OSBPL6: variants seen among roughly 807,000 people sequenced by gnomAD.
OSBPL6 encodes oxysterol binding protein like 6.
A neutral mutation model predicts 125.8 loss-of-function variants in OSBPL6; 49 were observed. The observed-to-expected ratio is 0.39, with a 90% CI of 0.31 to 0.49. OSBPL6 has a LOEUF of 0.49. Among genes scored for constraint, OSBPL6 ranks in the 20% least tolerant of loss-of-function variants. The pLI is 0.88. For synonymous variants in OSBPL6, 394 were observed against 391.8 expected (o/e 1.01, Z -0.07); for missense variants, 986 against 1,135.4 (o/e 0.87, Z 1.89).
intron 10 of OSBPL6, 99 bp from the exon 11 acceptor site, chr2:178,339,573 A>C (rs1044340696): frequency 4.5e-5 from 41 of 920,060 alleles, no homozygotes; most frequent in Non-Finnish European, 6.1e-5. Context: ...ATAGGCTCTA[A>C]CAATGACCTT....
intron 1 of OSBPL6, among the ~76,000 whole-genome samples, chr2:178,254,912 T>A (rs1215062720): frequency 2.6e-5 from 4 of 151,864 alleles, no homozygotes; most frequent in Admixed American, 1.3e-4. Flanking sequence ...AGGAAAGAGG[T>A]TTAATGGACT....
In OSBPL6 at chr2:178,339,707, G is replaced by T. The variant is rs149166496; in HGVS notation, c.930G>T (p.Arg310=). 4.5e-5 allele frequency: 72 copies of T among 1,603,890 alleles called. No homozygotes were observed. In the African/African-American group the frequency reaches 9.3e-4, roughly 21 times the overall value. Residue 310 remains arginine, a synonymous_variant, in exon 11 of 25, where the codon CGG becomes CGT. Coordinates refer to ENST00000190611, the MANE Select transcript of OSBPL6 (RefSeq NM_032523.4). ...TAGATATTTCAAAGAAAGACAAGCG[G>T]GTCACAAGACGATGGAGAACAAAAA... ...NCVDISKKDK[R]VTRRWRTKSV... is the part of the protein sequence containing the mutation.
intron 1 of OSBPL6, among the ~76,000 whole-genome samples, chr2:178,209,454 T>C (rs1195331666): frequency 2.7e-5 from 4 of 150,172 alleles, no homozygotes; most frequent in African/African-American, 9.7e-5. Context: ...TTTTTTTTTT[T>C]TTTTTAGCAT....
rs569938038 is a variant in OSBPL6, at chr2:178,244,626, G to A, written c.-350-40301G>A. 7.2e-5 allele frequency among the ~76,000 whole-genome samples: 11 copies of A among 152,312 alleles called. No individual in the cohort carries two copies. In the South Asian group the frequency reaches 2.3e-3, roughly 32 times the overall value. The stretch of plus-strand genomic sequence containing the variant: ...TAGCCTTCTCAACTGGAAGGCATTT[G>A]ATAGATATGCTTTTATAGTTTTATA... On this transcript the variant is annotated intron_variant, in intron 1 of 24. Coordinates refer to ENST00000190611, the MANE Select transcript of OSBPL6 (RefSeq NM_032523.4).
At chr2:178,254,294 G>A (rs2091804968) in intron 1 of OSBPL6, among the ~76,000 whole-genome samples, 1 of 151,924 alleles carries the variant, frequency 6.6e-6, no homozygotes, top group East Asian at 1.9e-4. Context: ...TCAGGAGGCT[G>A]AGGCAGGAGA....
At chr2:178,260,326 G>T (rs2092017792) in intron 1 of OSBPL6, among the ~76,000 whole-genome samples, 2 of 151,702 alleles carry the variant, frequency 1.3e-5, no homozygotes, top group African/African-American at 2.4e-5. Flanking sequence ...CCCATTTTTG[G>T]CTAGGAGAGC....
intron 19 of OSBPL6, among the ~76,000 whole-genome samples, chr2:178,385,761 G>A (rs2154115812): frequency 6.6e-6 from 1 of 152,212 alleles, no homozygotes; most frequent in East Asian, 1.9e-4. Context: ...AGAGCTCCAT[G>A]CGGACTGTGC....
intron 11 of OSBPL6, 36 bp from the exon 12 acceptor site, chr2:178,349,188 T>C: frequency 6.2e-7 from 1 of 1,600,216 alleles, no homozygotes; most frequent in Non-Finnish European, 8.6e-7. Flanking sequence ...AACAATGCAC[T>C]GTTGCTGTTT....
chr2:178,264,591 T>G (rs547735972), intron 1 of OSBPL6, among the ~76,000 whole-genome samples: 1 of 152,338 alleles, frequency 6.6e-6, no homozygotes, highest in South Asian at 2.1e-4. Flanking sequence ...TTCAACGTGA[T>G]AATTGGGTTT....
chr2:178,309,129 A>G (rs1448652209), intron 3 of OSBPL6, among the ~76,000 whole-genome samples: 4 of 152,034 alleles, frequency 2.6e-5, no homozygotes, highest in Non-Finnish European at 4.4e-5. Flanking sequence ...CCTCTCAACC[A>G]GATGCCTCCC....
At chr2:178,235,267 C>T (rs765699180) in intron 1 of OSBPL6, among the ~76,000 whole-genome samples, 2 of 151,732 alleles carry the variant, frequency 1.3e-5, no homozygotes, top group Non-Finnish European at 2.9e-5. Flanking sequence ...TTGAGTTATA[C>T]ATATATAATC....
intron 11 of OSBPL6, among the ~76,000 whole-genome samples, chr2:178,348,082 A>G (rs1277796579): frequency 2.0e-5 from 3 of 152,290 alleles, no homozygotes; most frequent in Non-Finnish European, 4.4e-5. Context: ...AAATCCTTGG[A>G]GAAAAAGTGC....
rs377722282 is a variant in OSBPL6 at position 178,387,015 on chromosome 2, T to G, written c.2078-46T>G. Reference sequence around the variant, plus strand: ...AAGTTAGTTTTTATAGAAGAGGTGATTAGATATGGGGTATGTATTTCTTGT... The same window carrying G: ...AAGTTAGTTTTTATAGAAGAGGTGAGTAGATATGGGGTATGTATTTCTTGT... On this transcript the variant is annotated intron_variant, in intron 19 of 24. Transcript: ENST00000190611. The G allele has an allele frequency of 1.7e-5, 21 of 1,267,130 alleles. No individual in the cohort carries two copies. The African/African-American group carries it at 2.8e-4, about 17-fold the overall frequency. The allele number at this position is 1,267,130 out of a possible 1,614,324, so 78.5% of individuals were successfully genotyped here.
intron 1 of OSBPL6, among the ~76,000 whole-genome samples, chr2:178,269,244 G>A (rs1192516497): frequency 6.6e-6 from 1 of 152,180 alleles, no homozygotes; most frequent in Non-Finnish European, 1.5e-5. Context: ...CCTTGGGTGT[G>A]TCACTCTTCC....
chr2:178,362,880 G>A (rs72951392), intron 13 of OSBPL6, among the ~76,000 whole-genome samples: 2,755 of 152,278 alleles, frequency 0.018, 36 homozygotes, highest in Middle Eastern at 0.031. Flanking sequence ...GTGAAAATCC[G>A]CTACGATTCT....
chr2:178,384,657 A>C (rs1049997124), intron 18 of OSBPL6, among the ~76,000 whole-genome samples: 6 of 152,170 alleles, frequency 3.9e-5, no homozygotes, highest in South Asian at 4.1e-4. Flanking sequence ...GCATTTTTAC[A>C]TAGACAGTAG....
In OSBPL6 at chr2:178,372,167, A is replaced by G. The variant is rs202118304; in HGVS notation, c.1329A>G (p.Arg443=). 6.4e-5 allele frequency: 104 copies of G among 1,613,384 alleles called. No individual in the cohort carries two copies. The East Asian group carries it at 2.0e-3, about 32-fold the overall frequency. Residue 443 remains arginine, a synonymous_variant, in exon 14 of 25, where the codon AGA becomes AGG. Transcript: ENST00000190611. ...CTGAACTAAGGAGTCGGTTGAACAG[A>G]ATACATTCAGAGTCTATTATTTGTG... ...QNAELRSRLN[R]IHSESIICDQ...
chr2:178,293,219 G>A (rs836882), intron 2 of OSBPL6, among the ~76,000 whole-genome samples: 132,315 of 152,074 alleles, frequency 0.87, 58,594 homozygotes, highest in Non-Finnish European at 0.95. Context: ...GCCAAAATGT[G>A]TACTGAATCA....
chr2:178,307,236 T>A (rs957322116), intron 3 of OSBPL6, among the ~76,000 whole-genome samples: 5 of 152,150 alleles, frequency 3.3e-5, no homozygotes, highest in African/African-American at 1.2e-4. Context: ...CATATAGACA[T>A]GGGTCTTGAG....
Sources: allele counts gnomAD v4.1 joint callset (sites outside exome capture counted in the v4.1 genomes callset), GRCh38; gene constraint gnomAD v4.1.1; transcripts MANE v1.5; gene names NCBI Gene and HGNC (gene_info 2026-07-23, HGNC 2026-07-21).